Variants in PEAK1 observed in about 807,000 individuals in gnomAD.
PEAK1 encodes inactive tyrosine-protein kinase PEAK1.
PEAK1 carries 54 observed loss-of-function variants against 124.7 expected under a neutral mutation model. The observed-to-expected ratio is 0.43, with a 90% CI of 0.35 to 0.54. The LOEUF (loss-of-function observed/expected upper bound fraction) is 0.54. PEAK1 is among the 20% of genes least tolerant of loss of function. The pLI, the probability that PEAK1 is intolerant of heterozygous loss-of-function variation, is 0.01. For synonymous variants in PEAK1, 719 were observed against 760.0 expected, an observed-to-expected ratio of 0.95 and a Z score of 0.89; for missense variants, 2,046 against 2,134.5, an observed-to-expected ratio of 0.96 and a Z score of 0.82.
At chr15:77,393,906 G>A (rs868658192) in intron 1 of PEAK1, among the ~76,000 whole-genome samples, 7 of 152,222 alleles carry the variant, frequency 4.6e-5, no homozygotes, top group Non-Finnish European at 7.3e-5. Context: ...CTGCTCTGAA[G>A]GGAGAGTCCT....
At chr15:77,326,172 G>C (rs564234911) in intron 2 of PEAK1, among the ~76,000 whole-genome samples, 3 of 151,760 alleles carry the variant, frequency 2.0e-5, no homozygotes, top group Non-Finnish European at 2.9e-5. Flanking sequence ...TCCCCCTCCT[G>C]CTACTCCCTT....
intron 6 of PEAK1, among the ~76,000 whole-genome samples, chr15:77,199,548 C>T (rs1440011900): frequency 6.6e-6 from 1 of 152,114 alleles, no homozygotes; most frequent in Non-Finnish European, 1.5e-5. Flanking sequence ...GCCATCAAGC[C>T]CCAAACAATA....
In PEAK1 at chr15:77,381,591, A is replaced by G. The variant is rs1041216642; in HGVS notation, c.-665-16366T>C. 4 of 489,844 alleles carry G rather than the reference A, an allele frequency of 8.2e-6. No homozygotes were observed. The East Asian group carries it at 6.1e-4, about 74-fold the overall frequency. The allele number at this position is 489,844 out of a possible 1,614,324, so 30.3% of individuals were successfully genotyped here. A position where few individuals can be genotyped will look rare whatever the true frequency, so the allele number is the denominator to read the frequency against. On this transcript the variant is annotated intron_variant, in intron 1 of 9. Coordinates refer to ENST00000682557, the MANE Select transcript of PEAK1 (RefSeq NM_001385026.1). ...GTAAGGCATAGAGTCATTTTTATCC[A>G]TCCAGGTTACAGAGTGCTGAAATTC...
chr15:77,159,323 G>A (rs541415707), intron 7 of PEAK1, among the ~76,000 whole-genome samples: 9 of 152,254 alleles, frequency 5.9e-5, no homozygotes, highest in Admixed American at 3.9e-4. Context: ...AAGAAAGTTC[G>A]TAGTCTAGTT....
chr15:77,217,424 G>A (rs1294535693), intron 6 of PEAK1, among the ~76,000 whole-genome samples: 2 of 152,086 alleles, frequency 1.3e-5, no homozygotes, highest in African/African-American at 4.8e-5. Context: ...GATAATATCT[G>A]ATTATTATGA....
At chr15:77,311,685 C>CA (rs11296386) in intron 2 of PEAK1, among the ~76,000 whole-genome samples, 2,683 of 85,798 alleles carry the variant, frequency 0.031, 90 homozygotes, top group African/African-American at 0.1. Context: ...CCAACCCCCA[C>CA]AAAAAAAAAA....
intron 6 of PEAK1, among the ~76,000 whole-genome samples, chr15:77,212,101 A>G (rs1407154785): frequency 6.6e-6 from 1 of 152,174 alleles, no homozygotes; most frequent in East Asian, 1.9e-4. Context: ...ACTAAAATAT[A>G]TAATCATTGA....
chr15:77,333,869 ATT>A (rs1269494932), intron 2 of PEAK1: 1 of 536,036 alleles, frequency 1.9e-6, no homozygotes, highest in Non-Finnish European at 2.4e-6. Flanking sequence ...TCCTTCAAAA[ATT>A]TTCTTTTAAA....
chr15:77,167,353 T>C (rs1236684633), intron 7 of PEAK1, among the ~76,000 whole-genome samples: 2 of 152,192 alleles, frequency 1.3e-5, no homozygotes, highest in Non-Finnish European at 2.9e-5. Flanking sequence ...AACAAAGCTG[T>C]CTGAAGACTA....
chr15:77,408,032 T>C (rs1308178082), intron 1 of PEAK1, among the ~76,000 whole-genome samples: 7 of 150,978 alleles, frequency 4.6e-5, no homozygotes, highest in Non-Finnish European at 7.4e-5. Flanking sequence ...TATACACACA[T>C]ATATACATAT....
At chr15:77,241,546 A>G (rs11632941) in intron 6 of PEAK1, among the ~76,000 whole-genome samples, 99,548 of 151,868 alleles carry the variant, frequency 0.66, 33,595 homozygotes, top group Non-Finnish European at 0.75. Flanking sequence ...ACCTATTTGC[A>G]TATGACATGA....
chr15:77,400,106 T>C (rs776984745), intron 1 of PEAK1, among the ~76,000 whole-genome samples: 60 of 152,218 alleles, frequency 3.9e-4, no homozygotes, highest in South Asian at 1.9e-3. Context: ...ATCAATCAGA[T>C]ATCCTCTCAC....
intron 6 of PEAK1, among the ~76,000 whole-genome samples, chr15:77,226,044 G>GATATATAATATATAT (rs2059630439): frequency 4.4e-5 from 2 of 44,998 alleles, no homozygotes; most frequent in Non-Finnish European, 9.6e-5. Context: ...AAAATAAAGG[G>GATATATAATATATAT]ATATATATAT....
intron 3 of PEAK1, 30 bp from the exon 4 acceptor site, chr15:77,285,085 A>AG (rs2062856066): frequency 6.6e-6 from 1 of 151,518 alleles, no homozygotes; most frequent in African/African-American, 2.4e-5. Context: ...TCGTCTCAAA[A>AG]AAAAAAAAAA....
At chr15:77,270,158 C>T (rs1257357716) in intron 5 of PEAK1, among the ~76,000 whole-genome samples, 1 of 151,984 alleles carries the variant, frequency 6.6e-6, no homozygotes, top group South Asian at 2.1e-4. Context: ...TATGACAAAC[C>T]CACAGCCAAT....
chr15:77,348,180 C>T (rs1208671142), intron 2 of PEAK1: 7 of 923,926 alleles, frequency 7.6e-6, no homozygotes. Flanking sequence ...AAGCCACATG[C>T]TAAGAAAAAA....
intron 6 of PEAK1, among the ~76,000 whole-genome samples, chr15:77,222,679 G>A (rs1350171109): frequency 6.6e-6 from 1 of 151,812 alleles, no homozygotes; most frequent in African/African-American, 2.4e-5. Context: ...AGGCTCTTCT[G>A]GGTCCCTTCA....
At position 77,179,291 on chromosome 15, in the gene PEAK1, G is replaced by C. The variant is rs1339003000; in HGVS notation, c.2636C>G (p.Pro879Arg). 1 of 1,614,138 alleles carries C rather than the reference G, an allele frequency of 6.2e-7. No homozygotes were observed. Among genetic ancestry groups the C allele is most frequent in the Admixed American group, 1.7e-5 (1 of 60,004 alleles). The change falls in exon 7 of 10, where the codon CCT becomes CGT. Residue 879 changes from proline to arginine, a missense_variant. Transcript: ENST00000682557. ...CTGCAAAAGGTTACCTGCATGGTAA[G>C]GAGAAGAAGTAGAGCGTGGCGGGGG... ...PFPPPRSTSS[P>R]YHAGNLLQRH...
intron 8 of PEAK1, among the ~76,000 whole-genome samples, chr15:77,141,254 A>G (rs186167358): frequency 4.6e-5 from 7 of 152,376 alleles, no homozygotes; most frequent in African/African-American, 1.7e-4. Context: ...TTATAAATGA[A>G]TGATCCAAAA....
Sources: gnomAD v4.1 joint callset for allele counts (sites outside exome capture counted in the v4.1 genomes callset) on GRCh38, gnomAD v4.1.1 for gene constraint, MANE v1.5 for transcripts, NCBI Gene and HGNC (gene_info 2026-07-23, HGNC 2026-07-21) for gene names.